ATOSA: variants seen among roughly 807,000 people sequenced by gnomAD.
The protein encoded by ATOSA is atos homolog protein A.
the ATOSA span, among the ~76,000 whole-genome samples, chr15:52,642,278 A>G: frequency 1.6e-4 from 24 of 152,316 alleles, no homozygotes; most frequent in African/African-American, 5.5e-4. Context: ...GCAACTTGCA[A>G]AAAGTATGAA....
chr15:52,690,162 A>C, the ATOSA span, among the ~76,000 whole-genome samples: 4 of 152,256 alleles, frequency 2.6e-5, no homozygotes, highest in Admixed American at 6.5e-5. Context: ...TGAAGAAGTT[A>C]ATGTGTTATT....
the ATOSA span, among the ~76,000 whole-genome samples, chr15:52,705,494 T>C: frequency 6.6e-6 from 1 of 151,328 alleles, no homozygotes; most frequent in South Asian, 2.1e-4. Context: ...CCCTAGAACT[T>C]AAAGCATAAT....
At chr15:52,609,716 C>T in the ATOSA span, 3 of 1,613,700 alleles carry the variant, frequency 1.9e-6, no homozygotes, top group East Asian at 4.5e-5. Context: ...GAACTAGACT[C>T]TTGAGTATTA....
At chr15:52,595,562 GA>G in the ATOSA span, among the ~76,000 whole-genome samples, 3 of 149,086 alleles carry the variant, frequency 2.0e-5, no homozygotes, top group African/African-American at 7.4e-5. Flanking sequence ...AAAAAGGCAC[GA>G]AAATAAAAAA....
chr15:52,680,122 T>C, the ATOSA span, among the ~76,000 whole-genome samples: 6 of 152,018 alleles, frequency 3.9e-5, no homozygotes, highest in African/African-American at 1.4e-4. Flanking sequence ...TGACAGCATG[T>C]TATTGTTGGG....
chr15:52,674,037 C>A, the ATOSA span, among the ~76,000 whole-genome samples: 1 of 152,094 alleles, frequency 6.6e-6, no homozygotes, highest in Non-Finnish European at 1.5e-5. Flanking sequence ...CAACAGCCTA[C>A]AATGTTTTTA....
chr15:52,693,518 C>T, the ATOSA span, among the ~76,000 whole-genome samples: 1 of 152,164 alleles, frequency 6.6e-6, no homozygotes, highest in East Asian at 1.9e-4. Context: ...TTAATAGCTT[C>T]TAGTATATCA....
At chr15:52,626,632 G>A in the ATOSA span, among the ~76,000 whole-genome samples, 3 of 151,992 alleles carry the variant, frequency 2.0e-5, no homozygotes, top group Non-Finnish European at 4.4e-5. Context: ...GGACTTCAGA[G>A]AGGTAAAGTG....
At chr15:52,619,491 A>T in the ATOSA span, among the ~76,000 whole-genome samples, 2 of 152,162 alleles carry the variant, frequency 1.3e-5, no homozygotes, top group African/African-American at 4.8e-5. Context: ...AACACAAAAA[A>T]TGTTTCAAAT....
the ATOSA span, among the ~76,000 whole-genome samples, chr15:52,703,766 A>C: frequency 6.6e-6 from 1 of 152,260 alleles, no homozygotes; most frequent in African/African-American, 2.4e-5. Context: ...GGGTGCAGCA[A>C]ACCAACATGG....
the ATOSA span, among the ~76,000 whole-genome samples, chr15:52,629,180 C>G: frequency 6.6e-6 from 1 of 152,168 alleles, no homozygotes; most frequent in Non-Finnish European, 1.5e-5. Flanking sequence ...AATTCAATAT[C>G]ACGTTAGAGG....
the ATOSA span, chr15:52,677,895 A>T: frequency 1.4e-6 from 2 of 1,397,714 alleles, no homozygotes; most frequent in African/African-American, 1.4e-5. Flanking sequence ...AGATAATCAC[A>T]TATGATACAG....
At chr15:52,596,515 T>A in the ATOSA span, among the ~76,000 whole-genome samples, 14 of 152,182 alleles carry the variant, frequency 9.2e-5, no homozygotes, top group Non-Finnish European at 1.5e-4. Flanking sequence ...TCTAAACGTA[T>A]GAGCTAATAC....
the ATOSA span, chr15:52,611,476 T>C: frequency 1.1e-5 from 14 of 1,308,748 alleles, no homozygotes; most frequent in East Asian, 4.9e-5. Context: ...TTTTATTACA[T>C]AGAGGAATTC....
the ATOSA span, among the ~76,000 whole-genome samples, chr15:52,627,987 A>G: frequency 6.6e-6 from 1 of 152,170 alleles, no homozygotes; most frequent in Non-Finnish European, 1.5e-5. Context: ...GCTTTGGCTA[A>G]TTCTCTAATC....
At chr15:52,692,208 T>C in the ATOSA span, among the ~76,000 whole-genome samples, 1 of 152,200 alleles carries the variant, frequency 6.6e-6, no homozygotes, top group South Asian at 2.1e-4. Flanking sequence ...CCTAGGAATA[T>C]AGGACTGCTT....
the ATOSA span, chr15:52,609,346 C>G: frequency 6.2e-7 from 1 of 1,613,858 alleles, no homozygotes. Context: ...TTCATATGAA[C>G]TCCTAAACAC....
chr15:52,643,958 G>T, the ATOSA span, among the ~76,000 whole-genome samples: 1 of 151,932 alleles, frequency 6.6e-6, no homozygotes, highest in African/African-American at 2.4e-5. Flanking sequence ...TATTTTAAAG[G>T]TTTAAATCTC....
At chr15:52,636,499 A>G in the ATOSA span, among the ~76,000 whole-genome samples, 1 of 152,206 alleles carries the variant, frequency 6.6e-6, no homozygotes, top group Admixed American at 6.5e-5. Flanking sequence ...GGGAATATAA[A>G]GAAATGTTAT....
Sources: gnomAD v4.1 joint callset for allele counts (sites outside exome capture counted in the v4.1 genomes callset) on GRCh38, gnomAD v4.1.1 for gene constraint, MANE v1.5 for transcripts, NCBI Gene and HGNC (gene_info 2026-07-23, HGNC 2026-07-21) for gene names.